CACNG2: variants seen among roughly 807,000 people sequenced by gnomAD.
The protein encoded by CACNG2 is voltage-dependent calcium channel gamma-2 subunit.
A neutral mutation model predicts 25.9 loss-of-function variants in CACNG2; 3 were observed. That is an observed-to-expected ratio of 0.12 (90% CI 0.05 to 0.30). The LOEUF (loss-of-function observed/expected upper bound fraction) is 0.30, where lower values mean the gene tolerates loss of function less well. Ranked by LOEUF, CACNG2 falls within the 10% of genes least tolerant of loss-of-function variation. CACNG2 has a pLI of 1.00. For synonymous variants in CACNG2, 167 were observed against 173.3 expected (o/e 0.96, Z 0.29); for missense variants, 341 against 432.5 (o/e 0.79, Z 1.88).
At chr22:36,633,760 T>A (rs1280111864) in intron 1 of CACNG2, among the ~76,000 whole-genome samples, 1 of 152,248 alleles carries the variant, frequency 6.6e-6, no homozygotes, top group Non-Finnish European at 1.5e-5. Context: ...CAGGAATATG[T>A]ACCTCCGTAC....
intron 1 of CACNG2, among the ~76,000 whole-genome samples, chr22:36,679,561 G>T (rs543405290): frequency 6.6e-6 from 1 of 152,318 alleles, no homozygotes; most frequent in East Asian, 1.9e-4. Context: ...AGGTGAAAGG[G>T]TATTAAGTTC....
chr22:36,669,607 G>T (rs1419576799), intron 1 of CACNG2, among the ~76,000 whole-genome samples: 2 of 151,566 alleles, frequency 1.3e-5, no homozygotes, highest in African/African-American at 4.8e-5. Flanking sequence ...CTCAGTGATT[G>T]TGTGTTTGTG....
intron 1 of CACNG2, among the ~76,000 whole-genome samples, chr22:36,605,842 C>T (rs935432055): frequency 2.6e-5 from 4 of 152,112 alleles, no homozygotes; most frequent in Admixed American, 1.3e-4. Context: ...GAGAGCCTGC[C>T]CAAGGAGCTA....
intron 1 of CACNG2, among the ~76,000 whole-genome samples, chr22:36,632,488 C>G (rs1936289560): frequency 6.6e-6 from 1 of 151,828 alleles, no homozygotes; most frequent in African/African-American, 2.4e-5. Context: ...CTCTCTCTCT[C>G]TCTCTCTCAA....
At chr22:36,613,939 T>C (rs1430812997) in intron 1 of CACNG2, among the ~76,000 whole-genome samples, 1 of 152,128 alleles carries the variant, frequency 6.6e-6, no homozygotes, top group Admixed American at 6.5e-5. Context: ...CTTTAACATG[T>C]CTTGAATCTG....
chr22:36,674,618 C>T (rs552972051), intron 1 of CACNG2, among the ~76,000 whole-genome samples: 26 of 152,290 alleles, frequency 1.7e-4, no homozygotes, highest in Admixed American at 2.6e-4. Context: ...CGTGAGCCAC[C>T]GCACTTGGCC....
chr22:36,617,168 A>G (rs980542176), intron 1 of CACNG2, among the ~76,000 whole-genome samples: 3 of 152,168 alleles, frequency 2.0e-5, no homozygotes, highest in African/African-American at 7.2e-5. Context: ...GGAGATTGGT[A>G]TTTCTCCATG....
chr22:36,638,979 T>A (rs2145964772), intron 1 of CACNG2, among the ~76,000 whole-genome samples: 1 of 152,330 alleles, frequency 6.6e-6, no homozygotes, highest in Middle Eastern at 3.4e-3. Context: ...AAGCACCAAC[T>A]GGGTGCTGAA....
At position 36,702,472 on chromosome 22, in the gene CACNG2, G is replaced by A. The variant is rs767439623; in HGVS notation, c.105C>T (p.Tyr35=). The A allele has an allele frequency of 1.7e-5, 27 of 1,613,956 alleles. No individual in the cohort carries two copies. Among genetic ancestry groups the A allele is most frequent in the Admixed American group, 8.3e-5 (5 of 60,004 alleles). ...TIAVGTDYWL[Y]SRGVCKTKSV... is the part of the protein sequence containing the mutation. ...TTTTGGTCTTGCAAACCCCTCTGGA[G>A]TAGAGCCAATAGTCGGTTCCCACAG... The change falls in exon 1 of 4, where the codon TAC becomes TAT. Residue 35 remains tyrosine, a synonymous_variant. Transcript: ENST00000300105.
intron 1 of CACNG2, among the ~76,000 whole-genome samples, chr22:36,640,569 C>A (rs73415642): frequency 0.051 from 7,773 of 152,256 alleles, 666 homozygotes; most frequent in African/African-American, 0.18. Flanking sequence ...ACCCTTTCTG[C>A]ATCTCGGTTT....
intron 3 of CACNG2, among the ~76,000 whole-genome samples, chr22:36,565,793 T>A (rs951886805): frequency 6.6e-6 from 1 of 152,172 alleles, no homozygotes. Context: ...CCCGGCCTGA[T>A]GTTGGTCATT....
At chr22:36,595,663 G>A (rs1569024153) in intron 1 of CACNG2, among the ~76,000 whole-genome samples, 1 of 152,262 alleles carries the variant, frequency 6.6e-6, no homozygotes, top group Admixed American at 6.5e-5. Flanking sequence ...CTCACTGCCC[G>A]CTGTCCCCTC....
chr22:36,588,877 G>C (rs1935544656), intron 1 of CACNG2, among the ~76,000 whole-genome samples: 1 of 152,042 alleles, frequency 6.6e-6, no homozygotes, highest in Non-Finnish European at 1.5e-5. Context: ...AATACATGTT[G>C]GCAATGATTT....
chr22:36,627,114 C>G (rs968710061), intron 1 of CACNG2, among the ~76,000 whole-genome samples: 4 of 152,150 alleles, frequency 2.6e-5, no homozygotes, highest in African/African-American at 9.7e-5. Context: ...TAAACTAGAG[C>G]CAGATATGAA....
At chr22:36,621,619 G>C (rs1023155584) in intron 1 of CACNG2, among the ~76,000 whole-genome samples, 4 of 151,490 alleles carry the variant, frequency 2.6e-5, no homozygotes, top group Admixed American at 1.3e-4. Context: ...GTGTGTGCAT[G>C]CATGCATACA....
At chr22:36,591,108 C>G (rs534438292) in intron 1 of CACNG2, among the ~76,000 whole-genome samples, 1 of 151,994 alleles carries the variant, frequency 6.6e-6, no homozygotes, top group South Asian at 2.1e-4. Flanking sequence ...ACAATCTCGG[C>G]TCACTGCAAG....
At chr22:36,699,782 C>T (rs926581162) in intron 1 of CACNG2, among the ~76,000 whole-genome samples, 1 of 152,212 alleles carries the variant, frequency 6.6e-6, no homozygotes, top group Admixed American at 6.5e-5. Context: ...AAAGCAAGCA[C>T]ACTGACAGCC....
chr22:36,621,946 A>G (rs1418153780), intron 1 of CACNG2, among the ~76,000 whole-genome samples: 8 of 152,356 alleles, frequency 5.3e-5, no homozygotes, highest in African/African-American at 1.9e-4. Flanking sequence ...GTATCTGCCA[A>G]AGACGACAAC....
chr22:36,648,478 G>C (rs1936562087), intron 1 of CACNG2, among the ~76,000 whole-genome samples: 1 of 152,066 alleles, frequency 6.6e-6, no homozygotes, highest in African/African-American at 2.4e-5. Flanking sequence ...CTTGCCCTCT[G>C]GCCGTCAGTT....
Sources: gnomAD v4.1 joint callset for allele counts (sites outside exome capture counted in the v4.1 genomes callset) on GRCh38, gnomAD v4.1.1 for gene constraint, MANE v1.5 for transcripts, NCBI Gene and HGNC (gene_info 2026-07-23, HGNC 2026-07-21) for gene names.